Variants in PDE4A observed in about 807,000 individuals in gnomAD.
PDE4A encodes phosphodiesterase 4A.
A neutral mutation model predicts 73.9 loss-of-function variants in PDE4A; 21 were observed. The observed-to-expected ratio is 0.28, with a 90% confidence interval of 0.20 to 0.41. The LOEUF (loss-of-function observed/expected upper bound fraction) is 0.41. Ranked by LOEUF, PDE4A falls within the 10% of genes least tolerant of loss-of-function variation. PDE4A has a pLI of 1.00. For missense variants in PDE4A, 958 were observed against 1,211.4 expected (o/e 0.79, Z 3.10); for synonymous variants, 463 against 505.4 (o/e 0.92, Z 1.13).
intron 2 of PDE4A, chr19:10,448,704 C>T (rs920194671): frequency 2.0e-5 from 9 of 456,054 alleles, no homozygotes; most frequent in South Asian, 9.2e-5. Flanking sequence ...CTCTTCTCCC[C>T]GGACCTACCT....
Position 10,453,452 on chromosome 19 carries a change from T to C in PDE4A, c.784-1377T>C. 1 of 1,262,278 alleles carries C rather than the reference T, an allele frequency of 7.9e-7. No homozygotes were observed. The highest frequency in any genetic ancestry group is 1.1e-6 in the Non-Finnish European group (1 of 935,912). 78.2% of individuals were successfully genotyped at this position (1,262,278 alleles called of 1,614,324 possible). Reference sequence around the variant, plus strand: ...ATGAAGCCTTGTGACTGTCTCTGTGTGTGGCCCAGGGCTGGGCGTGGATGG... The same window carrying C: ...ATGAAGCCTTGTGACTGTCTCTGTGCGTGGCCCAGGGCTGGGCGTGGATGG... On this transcript the variant is annotated intron_variant, in intron 6 of 14. Transcript: ENST00000380702. The surrounding 1 kb of genome is among the most constrained non-coding windows in gnomAD (Gnocchi z 4.6).
intron 6 of PDE4A, among the ~76,000 whole-genome samples, chr19:10,451,797 A>G (rs971763223): frequency 1.3e-5 from 2 of 152,040 alleles, no homozygotes; most frequent in African/African-American, 4.8e-5. Flanking sequence ...TGTGTGAATG[A>G]TGCTTCCTGG....
At chr19:10,422,740 G>A (rs1046503292) in intron 1 of PDE4A, among the ~76,000 whole-genome samples, 8 of 152,076 alleles carry the variant, frequency 5.3e-5, no homozygotes, top group African/African-American at 9.7e-5. Flanking sequence ...CAAGTGTCAC[G>A]GGCCCAGCAT....
chr19:10,443,016 A>C (rs1279116298), intron 1 of PDE4A, among the ~76,000 whole-genome samples: 1 of 151,274 alleles, frequency 6.6e-6, no homozygotes, highest in Admixed American at 6.6e-5. Context: ...CTATTACTAC[A>C]AAAAATTCAA....
At chr19:10,432,503 C>T in intron 1 of PDE4A, 1 of 1,520,400 alleles carries the variant, frequency 6.6e-7, no homozygotes, top group Non-Finnish European at 8.8e-7. Context: ...CCACGGGCCC[C>T]GAGTCCCTGA....
At chr19:10,463,357 T>C (rs1389484414) in intron 13 of PDE4A, among the ~76,000 whole-genome samples, 1 of 151,460 alleles carries the variant, frequency 6.6e-6, no homozygotes, top group Non-Finnish European at 1.5e-5. Context: ...CCCAAAGTGC[T>C]GTGATTACAG....
chr19:10,465,112 A>T (rs977429640), intron 14 of PDE4A, among the ~76,000 whole-genome samples: 3 of 151,946 alleles, frequency 2.0e-5, no homozygotes, highest in Non-Finnish European at 4.4e-5. Context: ...AGCACTGTTG[A>T]CATTTGGGTG....
chr19:10,432,233 A>G (rs1414278549), intron 1 of PDE4A, among the ~76,000 whole-genome samples: 2 of 144,966 alleles, frequency 1.4e-5, no homozygotes, highest in Admixed American at 6.9e-5. Flanking sequence ...AGGGGGAGGC[A>G]GACAGAGCGC....
At position 10,427,803 on chromosome 19, in the gene PDE4A, G is replaced by A. The variant is rs2042736432; in HGVS notation, c.320+6719G>A. 3.0e-6 allele frequency: 3 copies of A among 985,074 alleles called. No individual in the cohort carries two copies. The Admixed American group carries it at 1.8e-4, about 61-fold the overall frequency. 61.0% of individuals were successfully genotyped at this position (985,074 alleles called of 1,614,324 possible). A position where few individuals can be genotyped will look rare whatever the true frequency, so the allele number is the denominator to read the frequency against. ...TGACGAACTGGCAAAACAATTCAGGGAAGCTAAGGGCATTGAAACCTTGGT... is the reference window on the plus strand; with the variant it reads ...TGACGAACTGGCAAAACAATTCAGGAAAGCTAAGGGCATTGAAACCTTGGT... On this transcript the variant is annotated intron_variant, in intron 1 of 14. Transcript: ENST00000380702.
chr19:10,431,827 G>C (rs1460164903), intron 1 of PDE4A, among the ~76,000 whole-genome samples: 2 of 152,186 alleles, frequency 1.3e-5, no homozygotes, highest in Admixed American at 1.3e-4. Flanking sequence ...GGAGCCCCGC[G>C]TGGGGTCCGC....
At chr19:10,429,094 G>A (rs768287615) in intron 1 of PDE4A, 1 of 152,038 alleles carries the variant, frequency 6.6e-6, no homozygotes, top group East Asian at 1.9e-4. Context: ...GACAGTGAGA[G>A]ACTGATGAAA....
intron 6 of PDE4A, chr19:10,454,624 C>T (rs2043143809): frequency 2.9e-6 from 1 of 347,826 alleles, no homozygotes; most frequent in Non-Finnish European, 4.0e-6. Flanking sequence ...GACCATGACT[C>T]CCCAAACCTG....
chr19:10,460,888 TC>T (rs1403264838), intron 10 of PDE4A, 115 bp from the exon 11 acceptor site: 8 of 1,144,782 alleles, frequency 7.0e-6, no homozygotes, highest in Admixed American at 2.5e-5. Context: ...GGCCTTGAAG[TC>T]CTAGGCTCAA....
chr19:10,427,533 G>A, intron 1 of PDE4A: 1 of 985,412 alleles, frequency 1.0e-6, no homozygotes, highest in South Asian at 4.7e-5. Context: ...TTGGCTTTAG[G>A]CCTCAGTTTA....
At position 10,432,376 on chromosome 19, in the gene PDE4A, C is replaced by T. The variant is rs2042805322; in HGVS notation, c.320+11292C>T. On this transcript the variant is annotated intron_variant, in intron 1 of 14. Coordinates refer to ENST00000380702, the MANE Select transcript of PDE4A (RefSeq NM_001111307.2). ...GACACCTTGGGCCTGGCCAGCAGCGCGCGCCACACCGCCCTGCCGCCGTCC... is the reference window on the plus strand; with the variant it reads ...GACACCTTGGGCCTGGCCAGCAGCGTGCGCCACACCGCCCTGCCGCCGTCC... 5.3e-6 allele frequency: 7 copies of T among 1,325,162 alleles called. No homozygotes were observed. The South Asian group carries it at 1.5e-4, about 29-fold the overall frequency. 82.1% of individuals were successfully genotyped at this position (1,325,162 alleles called of 1,614,324 possible).
chr19:10,424,806 C>A lies in PDE4A; in HGVS notation c.320+3722C>A, dbSNP rs761959928. ...TTGCAGCCGTGGAGTTCCCGTCCCG[C>A]CTCTGCGCGCTTGCCCGGCAGGCCG... On this transcript the variant is annotated intron_variant, in intron 1 of 14. Coordinates refer to ENST00000380702, the MANE Select transcript of PDE4A (RefSeq NM_001111307.2). This position sits in a 1 kb window ranked among gnomAD's most constrained non-coding sequence, Gnocchi z 4.8. Among the ~76,000 whole-genome samples, 1 of 152,256 alleles carries A rather than the reference C, an allele frequency of 6.6e-6. No individual in the cohort carries two copies. The highest frequency in any genetic ancestry group is 1.5e-5 in the Non-Finnish European group (1 of 68,046).
At position 10,467,800 on chromosome 19, in the gene PDE4A, G is replaced by A. The variant is rs1449282909; in HGVS notation, c.*179G>A. On this transcript the variant is annotated 3_prime_UTR_variant, in exon 15 of 15. Transcript: ENST00000380702. Reference sequence around the variant, plus strand: ...CCCCTTTCCCCCTGCCCCCACCCACGGGGCCTTTTTTTGGAGGTGGGGGCT... The same window carrying A: ...CCCCTTTCCCCCTGCCCCCACCCACAGGGCCTTTTTTTGGAGGTGGGGGCT... 3.0e-4 allele frequency: 137 copies of A among 452,908 alleles called. 1 individual carries two copies. Among genetic ancestry groups the A allele is most frequent in the Non-Finnish European group, 3.4e-5 (9 of 267,098 alleles). 28.1% of individuals were successfully genotyped at this position (452,908 alleles called of 1,614,324 possible). A position where few individuals can be genotyped will look rare whatever the true frequency, so the allele number is the denominator to read the frequency against.
chr19:10,459,294 A>G, intron 8 of PDE4A, 106 bp from the exon 9 acceptor site: 1 of 1,562,194 alleles, frequency 6.4e-7, no homozygotes, highest in Non-Finnish European at 8.7e-7. Flanking sequence ...CCACTGGGTG[A>G]GCAATAATGG....
At position 10,424,492 on chromosome 19, in the gene PDE4A, C is replaced by T. The variant is rs1258704943; in HGVS notation, c.320+3408C>T. On this transcript the variant is annotated intron_variant, in intron 1 of 14. Transcript: ENST00000380702. The surrounding 1 kb of genome is among the most constrained non-coding windows in gnomAD (Gnocchi z 4.8). The stretch of plus-strand genomic sequence containing the variant: ...GTCTCCCCGCGCGCCCTCTGCTGGA[C>T]GACGAGGAAGGCACAGCCTGGGTGT... Among the ~76,000 whole-genome samples the T allele has an allele frequency of 6.6e-6, 1 of 152,252 alleles. No individual in the cohort carries two copies. The highest frequency in any genetic ancestry group is 2.4e-5 in the African/African-American group (1 of 41,464).
Sources: gnomAD v4.1 joint callset for allele counts (sites outside exome capture counted in the v4.1 genomes callset) on GRCh38, gnomAD v4.1.1 for gene constraint, Gnocchi (gnomAD v3.1) non-coding constraint, MANE v1.5 for transcripts, NCBI Gene and HGNC (gene_info 2026-07-23, HGNC 2026-07-21) for gene names.